SHTN1: variants seen among roughly 807,000 people sequenced by gnomAD.
The protein encoded by SHTN1 is shootin-1.
In SHTN1, 42 loss-of-function variants were observed where a neutral mutation model predicts 83.1. The ratio of observed to expected loss-of-function variants is 0.51; its 90% CI spans 0.39 to 0.65. SHTN1 has a LOEUF of 0.65. Among genes scored for constraint, SHTN1 ranks in the 30% least tolerant of loss-of-function variants. SHTN1 has a pLI of 0.00. For synonymous variants in SHTN1, 224 were observed against 247.7 expected (o/e 0.90, Z 0.90); for missense variants, 622 against 737.8 (o/e 0.84, Z 1.82).
intron 11 of SHTN1, among the ~76,000 whole-genome samples, chr10:116,923,245 C>T (rs901906927): frequency 6.6e-6 from 1 of 152,174 alleles, no homozygotes; most frequent in Non-Finnish European, 1.5e-5. Flanking sequence ...AGGGTGATTA[C>T]ATAGATGCTC....
chr10:117,071,797 G>C (rs888376230), intron 1 of SHTN1, among the ~76,000 whole-genome samples: 1 of 152,176 alleles, frequency 6.6e-6, no homozygotes, highest in Non-Finnish European at 1.5e-5. Context: ...CCAGCACTTT[G>C]GGAGGCCGAG....
intron 1 of SHTN1, among the ~76,000 whole-genome samples, chr10:117,091,869 A>G (rs1183411602): frequency 6.6e-6 from 1 of 152,140 alleles, no homozygotes; most frequent in Non-Finnish European, 1.5e-5. Flanking sequence ...TTCCCTTACT[A>G]CATGACATGG....
At chr10:117,019,052 G>A (rs1197210491) in intron 2 of SHTN1, among the ~76,000 whole-genome samples, 1 of 151,838 alleles carries the variant, frequency 6.6e-6, no homozygotes, top group Admixed American at 6.6e-5. Flanking sequence ...ATGAACAAAT[G>A]GACTTACTAA....
chr10:117,076,530 C>G (rs1853156532), intron 1 of SHTN1, among the ~76,000 whole-genome samples: 1 of 151,844 alleles, frequency 6.6e-6, no homozygotes, highest in African/African-American at 2.4e-5. Context: ...ATGATCAACT[C>G]TGCCTGAAAA....
At chr10:117,018,525 G>A (rs2420306) in intron 2 of SHTN1, among the ~76,000 whole-genome samples, 5 of 140,984 alleles carry the variant, frequency 3.5e-5, no homozygotes, top group Admixed American at 1.4e-4. Context: ...AAAAAAAAAG[G>A]AAAATATTTT....
chr10:116,912,466 C>T (rs1051068805), intron 13 of SHTN1, among the ~76,000 whole-genome samples: 2 of 152,222 alleles, frequency 1.3e-5, no homozygotes, highest in Non-Finnish European at 2.9e-5. Flanking sequence ...AGTCCAATCA[C>T]TCATCTTGGA....
chr10:116,999,475 T>A (rs185853152), intron 1 of SHTN1, among the ~76,000 whole-genome samples: 2 of 152,192 alleles, frequency 1.3e-5, no homozygotes, highest in African/African-American at 4.8e-5. Flanking sequence ...AGAGTCACAG[T>A]GCATAAAACG....
At chr10:117,049,236 A>G (rs937158481) in intron 1 of SHTN1, among the ~76,000 whole-genome samples, 1 of 152,168 alleles carries the variant, frequency 6.6e-6, no homozygotes, top group African/African-American at 2.4e-5. Flanking sequence ...AATCAGAAAC[A>G]AGTCAGCTTT....
At chr10:116,940,659 ACCT>A (rs1210575430) in intron 8 of SHTN1, 47 bp from the exon 9 acceptor site, 6 of 1,419,486 alleles carry the variant, frequency 4.2e-6, no homozygotes, top group Non-Finnish European at 5.7e-6. Flanking sequence ...AATCTCACAT[ACCT>A]CCTCAACTGT....
rs1853786484 is a variant in SHTN1, at chr10:117,112,749, TC to T, written c.-189+13557del. 3.3e-5 allele frequency among the ~76,000 whole-genome samples: 5 copies of T among 152,314 alleles called. No homozygotes were observed. The South Asian group carries it at 1.0e-3, about 32-fold the overall frequency. On this transcript the variant is annotated intron_variant, in intron 1 of 17. Coordinates refer to the SHTN1 transcript ENST00000392901. ...GAAAAGTTCAAATTAAAATTTCTCT[TC>T]CTAACTCCCTTCATCCTTAGCATAT... is the stretch of plus-strand genomic sequence containing the variant.
chr10:116,894,298 G>A (rs1434133047), intron 16 of SHTN1, among the ~76,000 whole-genome samples: 1 of 152,180 alleles, frequency 6.6e-6, no homozygotes, highest in African/African-American at 2.4e-5. Flanking sequence ...GGTTTCACTG[G>A]AAATGAACAT....
At chr10:116,967,156 G>A (rs1408604018) in intron 3 of SHTN1, among the ~76,000 whole-genome samples, 1 of 152,182 alleles carries the variant, frequency 6.6e-6, no homozygotes, top group East Asian at 1.9e-4. Flanking sequence ...GATGGAGAAA[G>A]GCCTTGTTTC....
chr10:117,073,393 G>T, intron 1 of SHTN1, among the ~76,000 whole-genome samples: 1 of 152,166 alleles, frequency 6.6e-6, no homozygotes. Flanking sequence ...ATAACTCTAT[G>T]AAGTACATAC....
At chr10:116,960,504 G>A (rs1159650969) in intron 3 of SHTN1, among the ~76,000 whole-genome samples, 1 of 152,024 alleles carries the variant, frequency 6.6e-6, no homozygotes, top group East Asian at 1.9e-4. Flanking sequence ...TTTTTTACAA[G>A]TCTATTTTCT....
rs576846473 is a variant in SHTN1, at chr10:116,881,845, T to TTCTA, written c.*4498_*4499insTAGA. 230 of 476,218 alleles carry TTCTA rather than the reference T, an allele frequency of 4.8e-4. 4 individuals carry two copies. In the South Asian group the frequency reaches 0.019, roughly 39 times the overall value. The allele number at this position is 476,218 out of a possible 1,614,324, so 29.5% of individuals were successfully genotyped here. A position where few individuals can be genotyped will look rare whatever the true frequency, so the allele number is the denominator to read the frequency against. ...ACATATATGATGTTTTTGCCTGAAA[T>TTCTA]TCTGTGAACTTCGTTTTGCAGCCAC... On this transcript the variant is annotated 3_prime_UTR_variant, in exon 17 of 17. Coordinates refer to ENST00000355371, the MANE Select transcript of SHTN1 (RefSeq NM_001127211.3).
At chr10:117,125,966 C>A (rs554932291) in intron 1 of SHTN1, among the ~76,000 whole-genome samples, 330 of 152,248 alleles carry the variant, frequency 2.2e-3, no homozygotes, top group African/African-American at 7.5e-3. Flanking sequence ...GGAAGGAAAC[C>A]AAAACAAAAA....
chr10:116,993,009 TTTTTTTTC>T lies in SHTN1; in HGVS notation c.58+12005_58+12012del, dbSNP rs1348284896. ...ATGTATACATGTTTTCTTTTCTTTC[TTTTTTTTC>T]TTTTTTTTTTTTTTTTGAGATGGAG... is the stretch of plus-strand genomic sequence containing the variant. On this transcript the variant is annotated intron_variant, in intron 1 of 16. Coordinates refer to ENST00000355371, the MANE Select transcript of SHTN1 (RefSeq NM_001127211.3). 1.3e-4 allele frequency among the ~76,000 whole-genome samples: 6 copies of T among 46,972 alleles called. No individual in the cohort carries two copies. In the East Asian group the frequency reaches 3.6e-3, roughly 29 times the overall value. The allele number at this position is 46,972 out of a possible 152,430, so 30.8% of individuals were successfully genotyped here.
At chr10:116,943,052 T>C (rs1016359634) in intron 8 of SHTN1, among the ~76,000 whole-genome samples, 9 of 152,160 alleles carry the variant, frequency 5.9e-5, no homozygotes, top group Middle Eastern at 3.4e-3. Flanking sequence ...ATTGTGTAGA[T>C]TGAATCTAGA....
chr10:117,091,765 C>A lies in SHTN1; in HGVS notation c.-189+34542G>T, dbSNP rs576987013. On this transcript the variant is annotated intron_variant, in intron 1 of 17. Transcript: ENST00000392901. The stretch of plus-strand genomic sequence containing the variant: ...TTGCCCTACTTTACATGAATGACTG[C>A]CTCATCCATCAAGACCGAAGGCAAG... 7.4e-4 allele frequency among the ~76,000 whole-genome samples: 113 copies of A among 152,284 alleles called. 2 individuals carry two copies. In the South Asian group the frequency reaches 0.022, roughly 30 times the overall value.
Sources: gnomAD v4.1 joint callset for allele counts (sites outside exome capture counted in the v4.1 genomes callset) on GRCh38, gnomAD v4.1.1 for gene constraint, MANE v1.5 for transcripts, NCBI Gene and HGNC (gene_info 2026-07-23, HGNC 2026-07-21) for gene names.